KIF7: variants seen among roughly 807,000 people sequenced by gnomAD.
KIF7 encodes the protein kinesin family member 7.
A neutral mutation model predicts 135.7 loss-of-function variants in KIF7; 104 were observed. The ratio of observed to expected loss-of-function variants is 0.77; its 90% CI spans 0.65 to 0.90. The LOEUF is 0.90. Among genes scored for constraint, KIF7 ranks in the 40% least tolerant of loss-of-function variants. The pLI is 0.00. For missense variants in KIF7, 2,005 were observed against 1,839.1 expected (o/e 1.09, Z -1.65); for synonymous variants, 883 against 809.4 (o/e 1.09, Z -1.54).
At chr15:89,657,099 G>A (rs955581308), upstream of KIF7, among the ~76,000 whole-genome samples, 2 of 152,106 alleles carry the variant, frequency 1.3e-5, no homozygotes, top group African/African-American at 4.8e-5. Flanking sequence ...CTTCAGCCCA[G>A]GAGTTTGAGA....
At chr15:89,622,042 A>G (rs1430344913) in intron 1 of KIF7, among the ~76,000 whole-genome samples, 1 of 129,938 alleles carries the variant, frequency 7.7e-6, no homozygotes, top group African/African-American at 3.0e-5. Context: ...GCTGGAGTGC[A>G]GTGGCACGAT....
downstream of KIF7, chr15:89,623,757 G>A (rs1963462463): frequency 6.2e-7 from 1 of 1,613,816 alleles, no homozygotes; most frequent in African/African-American, 1.3e-5. Context: ...CCCCTACAAA[G>A]CAGGCAGCTT....
chr15:89,632,876 C>T lies in KIF7; in HGVS notation c.2839G>A (p.Glu947Lys). ...HKREAILAKK[E>K]ALMQEKTGLE... is the part of the protein sequence containing the mutation. ...CCCGTCTTCTCCTGCATCAGGGCCT[C>T]CTTCTTGGCCAGGATGGCCTCCCGC... is the stretch of plus-strand genomic sequence containing the variant. Residue 947 changes from glutamate to lysine, a missense_variant, in exon 14 of 19, where the codon GAG becomes AAG. Glu to Lys is a moderately conservative substitution (Grantham distance 56). Transcript: ENST00000394412. 1 of 1,610,390 alleles carries T rather than the reference C, an allele frequency of 6.2e-7. No homozygotes were observed. Among genetic ancestry groups the T allele is most frequent in the Non-Finnish European group, 8.5e-7 (1 of 1,179,910 alleles).
At chr15:89,620,513 T>A (rs1963406387) in intron 1 of KIF7, among the ~76,000 whole-genome samples, 1 of 152,004 alleles carries the variant, frequency 6.6e-6, no homozygotes, top group Admixed American at 6.5e-5. Flanking sequence ...CAGCCAGATA[T>A]GTGTTTTTAT....
chr15:89,635,916 G>A (rs1216817472), intron 11 of KIF7, among the ~76,000 whole-genome samples: 2 of 151,862 alleles, frequency 1.3e-5, no homozygotes, highest in Non-Finnish European at 2.9e-5. Flanking sequence ...AAATGTTAAG[G>A]GCAGCCAGAG....
At chr15:89,655,993 T>C (rs1567071170), upstream of KIF7, among the ~76,000 whole-genome samples, 1 of 152,228 alleles carries the variant, frequency 6.6e-6, no homozygotes, top group Non-Finnish European at 1.5e-5. Context: ...CTGAGACCTC[T>C]GATCCATTGT....
rs138196132 is a variant in KIF7, at chr15:89,629,378, G to C, written c.3514C>G (p.Arg1172Gly). 4.4e-6 allele frequency: 7 copies of C among 1,594,142 alleles called. No homozygotes were observed. The highest frequency in any genetic ancestry group is 6.0e-6 in the Non-Finnish European group (7 of 1,175,244). ...QNMQLLLQQS[R>G]DHLGEGLADS... ...AGCCATGGGCCGGGCTGCTCACCTC[G>C]ACTCTGCTGCAGGAGCAGCTGCATG... Residue 1172 changes from arginine to glycine, a missense_variant, in exon 17 of 19, where the codon CGA becomes GGA. Arg to Gly is a moderately radical substitution (Grantham distance 125). Transcript: ENST00000394412.
chr15:89,659,199 A>T (rs184548841), upstream of KIF7, among the ~76,000 whole-genome samples: 48 of 152,314 alleles, frequency 3.2e-4, no homozygotes, highest in Admixed American at 5.9e-4. Flanking sequence ...CTTGATAAAG[A>T]GTTAGTATTC....
chr15:89,657,195 A>T (rs1447835795), upstream of KIF7, among the ~76,000 whole-genome samples: 1 of 151,638 alleles, frequency 6.6e-6, no homozygotes, highest in Admixed American at 6.6e-5. Context: ...AGTCCCAGCT[A>T]CTTGGGAGGT....
chr15:89,630,641 C>A, intron 15 of KIF7, 148 bp from the exon 16 acceptor site: 1 of 713,672 alleles, frequency 1.4e-6, no homozygotes, highest in South Asian at 1.5e-5. Flanking sequence ...GAGAGAGGTG[C>A]CCCCTGCTCA....
chr15:89,628,477 C>G lies in KIF7; in HGVS notation c.3974G>C (p.Arg1325Pro). 5.0e-6 allele frequency: 8 copies of G among 1,611,352 alleles called. No homozygotes were observed. The highest frequency in any genetic ancestry group is 6.8e-6 in the Non-Finnish European group (8 of 1,178,818). ...CGGGCTGGCTCGTCGCAGTTCCCGC[C>G]GGGGCTTGGACAAAGGCCCAAAGTT... ...PWNFGPLSKP[R>P]RELRRASPGM... The change falls in exon 19 of 19, where the codon CGG becomes CCG. Residue 1325 changes from arginine (R) to proline (P), a missense_variant. Coordinates refer to ENST00000394412, the MANE Select transcript of KIF7 (RefSeq NM_198525.3).
intron 10 of KIF7, among the ~76,000 whole-genome samples, chr15:89,644,590 C>G (rs977715139): frequency 6.6e-6 from 1 of 151,894 alleles, no homozygotes; most frequent in Non-Finnish European, 1.5e-5. Context: ...GAGGCTGAGG[C>G]AGGAGAATCG....
At position 89,646,121 on chromosome 15, in the gene KIF7, G is replaced by A. The variant is rs1964008848; in HGVS notation, c.1789-95C>T. On this transcript the variant is annotated intron_variant, in intron 7 of 18. Coordinates refer to ENST00000394412, the MANE Select transcript of KIF7 (RefSeq NM_198525.3). ...TCATATCTCTCCCTCCTCAAGCCCT[G>A]CCTTACCTTCGTGATCCAGCTCAAA... 2.7e-6 allele frequency: 4 copies of A among 1,498,160 alleles called. No homozygotes were observed. In the Admixed American group the frequency reaches 6.7e-5, roughly 25 times the overall value. The allele number at this position is 1,498,160 out of a possible 1,614,324, so 92.8% of individuals were successfully genotyped here.
intron 10 of KIF7, 69 bp from the exon 11 acceptor site, chr15:89,642,474 TG>T: frequency 7.0e-7 from 1 of 1,436,076 alleles, no homozygotes. Context: ...TTTGTCCCCC[TG>T]GGAGGTTTCC....
chr15:89,654,628 C>T (rs922011247), intron 1 of KIF7, among the ~76,000 whole-genome samples: 2 of 152,186 alleles, frequency 1.3e-5, no homozygotes, highest in Non-Finnish European at 2.9e-5. Flanking sequence ...AGACCAGGAG[C>T]TGGAAGGCAG....
chr15:89,645,771 G>T (rs1964000994), intron 8 of KIF7, 122 bp downstream of exon 8: 11 of 1,341,990 alleles, frequency 8.2e-6, no homozygotes, highest in Non-Finnish European at 1.0e-5. Flanking sequence ...CAACATGAGG[G>T]CATCCTAGGA....
At chr15:89,652,089 C>T (rs914426160) in intron 2 of KIF7, among the ~76,000 whole-genome samples, 13 of 152,148 alleles carry the variant, frequency 8.5e-5, no homozygotes, top group Admixed American at 2.6e-4. Flanking sequence ...GGCAGTAACC[C>T]GACAGAAAAC....
At chr15:89,647,986 G>T (rs545455575) in intron 5 of KIF7, among the ~76,000 whole-genome samples, 29 of 152,304 alleles carry the variant, frequency 1.9e-4, no homozygotes, top group African/African-American at 6.7e-4. Context: ...TCACCGGCAT[G>T]CTAGGCACAT....
chr15:89,631,034 T>C, intron 15 of KIF7: 1 of 227,034 alleles, frequency 4.4e-6, no homozygotes, highest in Non-Finnish European at 8.8e-6. Context: ...ACAGTAAAAA[T>C]GCGGTGTTAT....
Sources: gnomAD v4.1 joint callset for allele counts (sites outside exome capture counted in the v4.1 genomes callset) on GRCh38, gnomAD v4.1.1 for gene constraint, MANE v1.5 for transcripts, NCBI Gene and HGNC (gene_info 2026-07-23, HGNC 2026-07-21) for gene names.